PPP3R1: variants seen among roughly 807,000 people sequenced by gnomAD.
PPP3R1 encodes the protein calcineurin subunit B type 1.
A neutral mutation model predicts 22.6 loss-of-function variants in PPP3R1; 5 were observed. That is an observed-to-expected ratio of 0.22 (90% CI 0.12 to 0.46). The LOEUF (loss-of-function observed/expected upper bound fraction) is 0.46. Ranked by LOEUF, PPP3R1 falls within the 20% of genes least tolerant of loss-of-function variation. The pLI is 0.99. For missense variants in PPP3R1, 61 were observed against 203.2 expected, an observed-to-expected ratio of 0.30 and a Z score of 4.25; for synonymous variants, 56 against 65.2, an observed-to-expected ratio of 0.86 and a Z score of 0.68.
At chr2:68,213,552 CAG>C (rs1443189733) in intron 2 of PPP3R1, among the ~76,000 whole-genome samples, 1 of 152,086 alleles carries the variant, frequency 6.6e-6, no homozygotes, top group Non-Finnish European at 1.5e-5. Flanking sequence ...GACCACCATA[CAG>C]ATATAATAAT....
intron 1 of PPP3R1, among the ~76,000 whole-genome samples, chr2:68,236,454 T>C (rs1038281737): frequency 6.6e-5 from 10 of 152,134 alleles, no homozygotes; most frequent in Non-Finnish European, 1.5e-4. Context: ...TAATTACCCC[T>C]AACCTAAAAT....
intron 1 of PPP3R1, among the ~76,000 whole-genome samples, chr2:68,237,724 T>C (rs1456829370): frequency 1.3e-5 from 2 of 152,148 alleles, no homozygotes; most frequent in East Asian, 3.8e-4. Context: ...TATCTTTTTT[T>C]CATTCATCTT....
intron 1 of PPP3R1, among the ~76,000 whole-genome samples, chr2:68,224,960 A>G (rs1403362625): frequency 6.6e-6 from 1 of 152,268 alleles, no homozygotes; most frequent in Admixed American, 6.5e-5. Flanking sequence ...TAGACATTAG[A>G]GAAATGCAAG....
intron 1 of PPP3R1, among the ~76,000 whole-genome samples, chr2:68,230,101 C>A (rs938815272): frequency 7.2e-5 from 11 of 152,000 alleles, no homozygotes; most frequent in Non-Finnish European, 7.4e-5. Context: ...TAAGCAATGC[C>A]CCCATCTCAG....
intron 1 of PPP3R1, among the ~76,000 whole-genome samples, chr2:68,229,965 T>TACACACACAC (rs1157191768): frequency 6.3e-4 from 31 of 49,480 alleles, no homozygotes; most frequent in African/African-American, 1.0e-3. Context: ...TGTGTATATA[T>TACACACACAC]ACACACATAC....
At chr2:68,207,008 T>C (rs1675141099) in intron 2 of PPP3R1, among the ~76,000 whole-genome samples, 1 of 151,062 alleles carries the variant, frequency 6.6e-6, no homozygotes, top group Admixed American at 6.6e-5. Context: ...GTATAAATAG[T>C]GAAGTGTGTC....
Position 68,188,530 on chromosome 2 carries a change from T to G in PPP3R1, c.204A>C (p.Gly68=). Residue 68 remains glycine, a synonymous_variant, in exon 3 of 6, where the codon GGA becomes GGC. Transcript: ENST00000234310. ...CTTTCTTACCTTTAAAGTCTACTTC[T>G]CCATTCCCATCTGTGTCGAATATAT... is the stretch of plus-strand genomic sequence containing the variant. The part of the protein sequence containing the change: ...VIDIFDTDGN[G]EVDFKEFIEG... 1.9e-6 allele frequency: 3 copies of G among 1,602,770 alleles called. No homozygotes were observed. Among genetic ancestry groups the G allele is most frequent in the Non-Finnish European group, 2.6e-6 (3 of 1,175,722 alleles).
chr2:68,186,507 C>T lies in PPP3R1; in HGVS notation c.426G>A (p.Lys142=), dbSNP rs1196407772. 1 of 1,613,418 alleles carries T rather than the reference C, an allele frequency of 6.2e-7. No individual in the cohort carries two copies. The highest frequency in any genetic ancestry group is 1.7e-5 in the Admixed American group (1 of 59,998). The change falls in exon 5 of 6, where the codon AAG becomes AAA. Residue 142 remains lysine (K), a synonymous_variant. Coordinates refer to ENST00000234310, the MANE Select transcript of PPP3R1 (RefSeq NM_000945.4). Reference sequence around the variant, plus strand: ...CAAAGGATATTCTTCCATCTCCATCCTTATCTGCATTTATTATGGTTTTGT... The same window carrying T: ...CAAAGGATATTCTTCCATCTCCATCTTTATCTGCATTTATTATGGTTTTGT... ...IVDKTIINAD[K]DGDGRISFEE...
chr2:68,223,388 T>A (rs967071753), intron 1 of PPP3R1, among the ~76,000 whole-genome samples: 2 of 152,172 alleles, frequency 1.3e-5, no homozygotes, highest in Non-Finnish European at 2.9e-5. Context: ...AGTGCGAGAC[T>A]CTGTCTCAAA....
At chr2:68,230,690 T>C (rs1669879971) in intron 1 of PPP3R1, among the ~76,000 whole-genome samples, 1 of 152,230 alleles carries the variant, frequency 6.6e-6, no homozygotes, top group Non-Finnish European at 1.5e-5. Context: ...GTTATCTTTC[T>C]AGGGTAAGTC....
chr2:68,180,907 G>T lies in PPP3R1; in HGVS notation c.*56C>A. ...AGAGCATTGCTGGACGTCTTGAGCA[G>T]ATCTTCAGAGATGGAGAAGAAAGCA... is the stretch of plus-strand genomic sequence containing the variant. On this transcript the variant is annotated 3_prime_UTR_variant, in exon 6 of 6. Coordinates refer to ENST00000234310, the MANE Select transcript of PPP3R1 (RefSeq NM_000945.4). 1 of 1,511,182 alleles carries T rather than the reference G, an allele frequency of 6.6e-7. No homozygotes were observed. The highest frequency in any genetic ancestry group is 9.2e-7 in the Non-Finnish European group (1 of 1,088,602). 93.6% of individuals were successfully genotyped at this position (1,511,182 alleles called of 1,614,324 possible).
intron 2 of PPP3R1, among the ~76,000 whole-genome samples, chr2:68,212,154 C>T (rs1669500224): frequency 6.6e-6 from 1 of 152,136 alleles, no homozygotes; most frequent in African/African-American, 2.4e-5. Flanking sequence ...GATCTCTGCT[C>T]ACTGCAACCT....
At chr2:68,251,952 G>T (rs1050557401) in intron 1 of PPP3R1, among the ~76,000 whole-genome samples, 173 bp downstream of exon 1, 3 of 147,644 alleles carry the variant, frequency 2.0e-5, no homozygotes, top group African/African-American at 7.4e-5. Flanking sequence ...GTCAGCAGCC[G>T]CCCCGCCGCC....
At chr2:68,237,981 T>C (rs1214513943) in intron 1 of PPP3R1, among the ~76,000 whole-genome samples, 4 of 152,320 alleles carry the variant, frequency 2.6e-5, no homozygotes, top group Admixed American at 1.3e-4. Flanking sequence ...CATATAAGTC[T>C]CTACTCAGAT....
At chr2:68,232,511 G>A (rs1055165861) in intron 1 of PPP3R1, among the ~76,000 whole-genome samples, 3 of 151,814 alleles carry the variant, frequency 2.0e-5, no homozygotes, top group African/African-American at 7.3e-5. Flanking sequence ...AAAGAGAAAT[G>A]TATCAAAGAA....
chr2:68,210,369 T>C (rs1669455169), intron 2 of PPP3R1, among the ~76,000 whole-genome samples: 1 of 152,170 alleles, frequency 6.6e-6, no homozygotes, highest in Non-Finnish European at 1.5e-5. Context: ...AACCAGCCCA[T>C]CCACACTCCT....
At chr2:68,242,903 A>G (rs1350038735) in intron 1 of PPP3R1, among the ~76,000 whole-genome samples, 4 of 152,218 alleles carry the variant, frequency 2.6e-5, no homozygotes, top group African/African-American at 9.7e-5. Context: ...GCTTCATTCT[A>G]TTGTAACTAG....
chr2:68,182,801 T>C (rs1421261049), intron 5 of PPP3R1, among the ~76,000 whole-genome samples: 11 of 152,178 alleles, frequency 7.2e-5, no homozygotes, highest in African/African-American at 2.4e-5. Context: ...CTATGTATTA[T>C]GATTACTTTT....
Position 68,250,419 on chromosome 2 carries a change from T to C in PPP3R1, c.3+1706A>G, listed in dbSNP as rs1670325014. ...GAAACCATACCACTTCGCTGTATAA[T>C]ATATAAACAACAAAAGGCTAGATCA... On this transcript the variant is annotated intron_variant, in intron 1 of 5. Coordinates refer to ENST00000234310, the MANE Select transcript of PPP3R1 (RefSeq NM_000945.4). Among the ~76,000 whole-genome samples the C allele has an allele frequency of 3.9e-5, 6 of 152,326 alleles. No individual in the cohort carries two copies. In the South Asian group the frequency reaches 1.0e-3, roughly 26 times the overall value.
Sources: allele counts gnomAD v4.1 joint callset (sites outside exome capture counted in the v4.1 genomes callset), GRCh38; gene constraint gnomAD v4.1.1; transcripts MANE v1.5; gene names NCBI Gene and HGNC (gene_info 2026-07-23, HGNC 2026-07-21).